Variants in SOS2 observed in about 807,000 individuals in gnomAD.
SOS2 encodes the protein SOS Ras/Rho guanine nucleotide exchange factor 2.
In SOS2, 65 loss-of-function variants were observed where a neutral mutation model predicts 148.2. That is an observed-to-expected ratio of 0.44 (90% confidence interval 0.36 to 0.54). The LOEUF is 0.54. Among genes scored for constraint, SOS2 ranks in the 20% least tolerant of loss-of-function variants. The pLI, the probability that SOS2 is intolerant of heterozygous loss-of-function variation, is 0.00. For missense variants in SOS2, 1,341 were observed against 1,590.2 expected (o/e 0.84, Z 2.67); for synonymous variants, 539 against 537.1 (o/e 1.00, Z -0.05).
intron 1 of SOS2, 43 bp from the exon 2 acceptor site, chr14:50,204,452 T>C (rs1322983852): frequency 1.6e-6 from 2 of 1,243,528 alleles, no homozygotes; most frequent in South Asian, 1.4e-5. Flanking sequence ...CAAAATAATA[T>C]AAATTGAACA....
intron 4 of SOS2, among the ~76,000 whole-genome samples, chr14:50,189,099 A>ACACACACACG (rs1367953609): frequency 2.7e-5 from 4 of 148,440 alleles, no homozygotes; most frequent in Non-Finnish European, 5.9e-5. Flanking sequence ...ACACACACAC[A>ACACACACACG]CACGCACACA....
chr14:50,176,753 T>TA (rs1414059374), intron 7 of SOS2, among the ~76,000 whole-genome samples: 2 of 152,248 alleles, frequency 1.3e-5, no homozygotes, highest in South Asian at 2.1e-4. Context: ...CTCACGCCTG[T>TA]AATCCCAGCA....
Position 50,160,032 on chromosome 14 carries a change from G to C in SOS2, c.1251C>G (p.Ile417Met). The change falls in exon 10 of 23, where the codon ATC becomes ATG. Residue 417 changes from isoleucine (I) to methionine (M), a missense_variant. Around this residue, in one of 4 missense-constraint regions of SOS2, gnomAD observed 574 missense variants for 711.1 expected, o/e 0.81. Transcript: ENST00000216373. ...TTTTCTGAATTTCATTCATTTTTTT[G>C]ATAGCCAGGTGTTTGCTTCTTAATT... Reference protein sequence around the residue: ...SHQLRSKHLAIKKMNEIQKNI... With the variant: ...SHQLRSKHLAMKKMNEIQKNI... 1.9e-6 allele frequency: 3 copies of C among 1,613,656 alleles called. No homozygotes were observed. Among genetic ancestry groups the C allele is most frequent in the Non-Finnish European group, 2.5e-6 (3 of 1,179,884 alleles).
chr14:50,145,683 T>C lies in SOS2; in HGVS notation c.2385-87A>G, dbSNP rs1014879. 0.86 allele frequency: 743,416 copies of C among 860,442 alleles called. 322,259 individuals carry two copies. Among genetic ancestry groups the C allele is most frequent in the East Asian group, 0.92 (36,347 of 39,422 alleles). The allele number at this position is 860,442 out of a possible 1,614,324, so 53.3% of individuals were successfully genotyped here. A position where few individuals can be genotyped will look rare whatever the true frequency, so the allele number is the denominator to read the frequency against. ...CTAAAACTTAATAAGAAAAAGACAATTAACCCAAAAGACAGATGAACACAT... is the reference window on the plus strand; with the variant it reads ...CTAAAACTTAATAAGAAAAAGACAACTAACCCAAAAGACAGATGAACACAT... On this transcript the variant is annotated intron_variant, in intron 14 of 22. Coordinates refer to ENST00000216373, the MANE Select transcript of SOS2 (RefSeq NM_006939.4).
chr14:50,191,757 G>A (rs191985293), intron 4 of SOS2, among the ~76,000 whole-genome samples: 49 of 152,228 alleles, frequency 3.2e-4, no homozygotes, highest in Non-Finnish European at 1.8e-4. Context: ...AGTGCCAGCT[G>A]TTTTCTGTTA....
intron 4 of SOS2, among the ~76,000 whole-genome samples, chr14:50,188,906 T>C (rs1886013882): frequency 6.6e-6 from 1 of 151,822 alleles, no homozygotes; most frequent in South Asian, 2.1e-4. Flanking sequence ...CGACCAAAAA[T>C]ACAAAAAATT....
At chr14:50,207,031 TTTG>T (rs1886683596) in intron 1 of SOS2, among the ~76,000 whole-genome samples, 1 of 152,188 alleles carries the variant, frequency 6.6e-6, no homozygotes, top group Non-Finnish European at 1.5e-5. Context: ...TCTTTTGAAA[TTTG>T]TTGAGACTTG....
At chr14:50,172,371 G>A (rs115135990) in intron 8 of SOS2, among the ~76,000 whole-genome samples, 1,661 of 145,482 alleles carry the variant, frequency 0.011, 33 homozygotes, top group African/African-American at 0.041. Flanking sequence ...TTATTCTAAC[G>A]GTTACAGTTT....
At chr14:50,200,420 T>C (rs1886451075) in intron 3 of SOS2, among the ~76,000 whole-genome samples, 1 of 152,158 alleles carries the variant, frequency 6.6e-6, no homozygotes, top group African/African-American at 2.4e-5. Context: ...ATAATATAAA[T>C]TAATTTTAAA....
At chr14:50,189,959 C>T (rs903579667) in intron 4 of SOS2, among the ~76,000 whole-genome samples, 1 of 151,924 alleles carries the variant, frequency 6.6e-6, no homozygotes, top group Non-Finnish European at 1.5e-5. Context: ...AGTGATTCTC[C>T]TGCCTCAGCC....
chr14:50,206,239 T>C (rs10140118), intron 1 of SOS2, among the ~76,000 whole-genome samples: 134,522 of 152,176 alleles, frequency 0.88, 59,543 homozygotes, highest in East Asian at 0.91. Context: ...CTAATATGTA[T>C]GTTTTCTCTA....
At chr14:50,158,869 G>A (rs185303560) in intron 10 of SOS2, among the ~76,000 whole-genome samples, 1 of 152,170 alleles carries the variant, frequency 6.6e-6, no homozygotes, top group Non-Finnish European at 1.5e-5. Flanking sequence ...CTTAATAAGC[G>A]AGGATTGTTT....
At chr14:50,158,078 A>AAAC (rs1245691559) in intron 11 of SOS2, among the ~76,000 whole-genome samples, 1 of 152,118 alleles carries the variant, frequency 6.6e-6, no homozygotes, top group Non-Finnish European at 1.5e-5. Context: ...ATTTGTAGGG[A>AAAC]AACAGATGAA....
chr14:50,168,075 C>G (rs1425700555), intron 8 of SOS2, among the ~76,000 whole-genome samples: 1 of 152,106 alleles, frequency 6.6e-6, no homozygotes, highest in Non-Finnish European at 1.5e-5. Context: ...TAAATTAATT[C>G]CTCTTGAGAG....
intron 21 of SOS2, among the ~76,000 whole-genome samples, chr14:50,127,541 A>C (rs905063918): frequency 6.6e-6 from 1 of 152,218 alleles, no homozygotes; most frequent in African/African-American, 2.4e-5. Flanking sequence ...GATGGAAGTC[A>C]CATCTTGAGA....
chr14:50,144,838 T>C (rs1884413833), intron 16 of SOS2, among the ~76,000 whole-genome samples: 1 of 152,210 alleles, frequency 6.6e-6, no homozygotes, highest in Admixed American at 6.5e-5. Flanking sequence ...AAATCCTTTG[T>C]CATTTGAGAC....
At chr14:50,191,373 G>A (rs186636660) in intron 4 of SOS2, among the ~76,000 whole-genome samples, 18 of 152,296 alleles carry the variant, frequency 1.2e-4, no homozygotes, top group Middle Eastern at 3.4e-3. Flanking sequence ...GAAGGCTGAG[G>A]TGGGAGAATC....
Position 50,159,930 on chromosome 14 carries a change from G to T in SOS2, c.1353C>A (p.Ile451=). The change falls in exon 10 of 23, where the codon ATC becomes ATA. Residue 451 remains isoleucine (I), a synonymous_variant. Coordinates refer to ENST00000216373, the MANE Select transcript of SOS2 (RefSeq NM_006939.4). The stretch of plus-strand genomic sequence containing the variant: ...AAATATGCCGTTCATGTTTGGCACC[G>T]ATTCTTGTCAATGGTCCCTCCATAA... The part of the protein sequence containing the change: ...EFIMEGPLTR[I]GAKHERHIFL... 6.2e-7 allele frequency: 1 copy of T among 1,614,052 alleles called. No individual in the cohort carries two copies. The highest frequency in any genetic ancestry group is 8.5e-7 in the Non-Finnish European group (1 of 1,179,990).
chr14:50,169,849 G>C (rs1239024678), intron 8 of SOS2, among the ~76,000 whole-genome samples: 1 of 151,454 alleles, frequency 6.6e-6, no homozygotes, highest in Non-Finnish European at 1.5e-5. Context: ...ATACTTTTTT[G>C]TTCTTTTCAA....
Sources: allele counts gnomAD v4.1 joint callset (sites outside exome capture counted in the v4.1 genomes callset), GRCh38; gene constraint gnomAD v4.1.1; regional missense constraint gnomAD v4.1.1; transcripts MANE v1.5; gene names NCBI Gene and HGNC (gene_info 2026-07-23, HGNC 2026-07-21).